KPNA3: variants seen among roughly 807,000 people sequenced by gnomAD.
KPNA3 encodes importin subunit alpha-4.
KPNA3 carries 13 observed loss-of-function variants against 73.8 expected under a neutral mutation model. That is an observed-to-expected ratio of 0.18 (90% CI 0.11 to 0.28). KPNA3 has a LOEUF of 0.28. Among genes scored for constraint, KPNA3 ranks in the 10% least tolerant of loss-of-function variants. KPNA3 has a pLI of 1.00. For missense variants in KPNA3, 360 were observed against 618.1 expected, an observed-to-expected ratio of 0.58 and a Z score of 4.43; for synonymous variants, 186 against 206.9, an observed-to-expected ratio of 0.90 and a Z score of 0.87.
At chr13:49,740,445 G>A (rs561243853) in intron 2 of KPNA3, among the ~76,000 whole-genome samples, 5 of 152,120 alleles carry the variant, frequency 3.3e-5, no homozygotes, top group South Asian at 2.1e-4. Flanking sequence ...CACAATTCCC[G>A]TGTGCCGTGG....
chr13:49,754,205 G>C (rs1349760282), intron 1 of KPNA3, among the ~76,000 whole-genome samples: 2 of 152,110 alleles, frequency 1.3e-5, no homozygotes, highest in African/African-American at 4.8e-5. Flanking sequence ...CGGAGGCTGA[G>C]GCAGAGAATT....
chr13:49,773,285 T>C (rs1954870193), intron 1 of KPNA3, among the ~76,000 whole-genome samples: 1 of 152,158 alleles, frequency 6.6e-6, no homozygotes, highest in South Asian at 2.1e-4. Flanking sequence ...TTGATTGCAA[T>C]GGTGGTTACA....
At chr13:49,739,254 G>T (rs1566346059) in intron 2 of KPNA3, among the ~76,000 whole-genome samples, 1 of 152,118 alleles carries the variant, frequency 6.6e-6, no homozygotes, top group Non-Finnish European at 1.5e-5. Flanking sequence ...ATCAAGAAAA[G>T]ATTAGGTCAA....
chr13:49,738,686 C>T (rs925795594), intron 2 of KPNA3, among the ~76,000 whole-genome samples: 4 of 152,108 alleles, frequency 2.6e-5, no homozygotes, highest in African/African-American at 9.7e-5. Context: ...TTTCTTTATT[C>T]TGTGACCTTG....
intron 2 of KPNA3, among the ~76,000 whole-genome samples, chr13:49,737,110 C>T (rs1370322065): frequency 1.3e-5 from 2 of 152,104 alleles, no homozygotes; most frequent in Admixed American, 1.3e-4. Context: ...CATTAAAGGC[C>T]ATCTGTGTTG....
chr13:49,740,273 G>A (rs1954561472), intron 2 of KPNA3, among the ~76,000 whole-genome samples: 1 of 151,598 alleles, frequency 6.6e-6, no homozygotes, highest in Admixed American at 6.6e-5. Context: ...ATTAACACAT[G>A]CATTACCTTA....
At chr13:49,775,162 CAAAAAAAAAAAA>C (rs60494803) in intron 1 of KPNA3, among the ~76,000 whole-genome samples, 1 of 93,062 alleles carries the variant, frequency 1.1e-5, no homozygotes, top group Non-Finnish European at 2.0e-5. Flanking sequence ...GACTCTGTCT[CAAAAAAAAAAAA>C]AAAAAAAAAA....
chr13:49,711,825 A>G (rs1490139862), intron 10 of KPNA3, among the ~76,000 whole-genome samples: 1 of 152,226 alleles, frequency 6.6e-6, no homozygotes. Flanking sequence ...AGGCACCTGA[A>G]TTCACATACC....
intron 1 of KPNA3, among the ~76,000 whole-genome samples, chr13:49,758,092 G>A (rs553501937): frequency 1.3e-5 from 2 of 151,906 alleles, no homozygotes; most frequent in South Asian, 4.2e-4. Flanking sequence ...ACATGATGGG[G>A]AATCAATAGA....
At chr13:49,751,922 G>A (rs907060506) in intron 1 of KPNA3, among the ~76,000 whole-genome samples, 33 of 152,044 alleles carry the variant, frequency 2.2e-4, no homozygotes, top group Non-Finnish European at 4.3e-4. Context: ...GCAAACAAAC[G>A]ACACCTACAA....
chr13:49,740,841 C>T (rs998367399), intron 2 of KPNA3, among the ~76,000 whole-genome samples: 1 of 151,864 alleles, frequency 6.6e-6, no homozygotes. Flanking sequence ...CCCCTGGTAA[C>T]CACCATCCTA....
chr13:49,780,420 T>G (rs972109857), intron 1 of KPNA3, among the ~76,000 whole-genome samples: 2 of 152,116 alleles, frequency 1.3e-5, no homozygotes, highest in African/African-American at 2.4e-5. Context: ...CTAATAACTT[T>G]TTCTGCTTTT....
intron 1 of KPNA3, among the ~76,000 whole-genome samples, chr13:49,756,216 G>C (rs1430129841): frequency 6.6e-6 from 1 of 152,238 alleles, no homozygotes; most frequent in Non-Finnish European, 1.5e-5. Context: ...GGAGGCTGCA[G>C]TAAGTGGAGA....
Position 49,715,994 on chromosome 13 carries a change from T to C in KPNA3, c.771+3781A>G, listed in dbSNP as rs966270653. ...TTTCTCCATTACATGGTCACTACTATTAGCAGAAAACTATTTTTTTTTCTA... is the reference window on the plus strand; with the variant it reads ...TTTCTCCATTACATGGTCACTACTACTAGCAGAAAACTATTTTTTTTTCTA... On this transcript the variant is annotated intron_variant, in intron 10 of 16. Transcript: ENST00000261667. 5.3e-4 allele frequency among the ~76,000 whole-genome samples: 59 copies of C among 110,526 alleles called. 1 individual carries two copies. The highest frequency in any genetic ancestry group is 1.9e-3 in the African/African-American group (59 of 30,496). 72.5% of individuals were successfully genotyped at this position (110,526 alleles called of 152,430 possible). A position where few individuals can be genotyped will look rare whatever the true frequency, so the allele number is the denominator to read the frequency against.
At chr13:49,710,701 A>G (rs1469023283) in intron 11 of KPNA3, among the ~76,000 whole-genome samples, 190 bp downstream of exon 11, 1 of 152,232 alleles carries the variant, frequency 6.6e-6, no homozygotes, top group Non-Finnish European at 1.5e-5. Flanking sequence ...AATTGGCTAT[A>G]CAAGTGTGGA....
intron 1 of KPNA3, among the ~76,000 whole-genome samples, chr13:49,762,725 T>G (rs1234428791): frequency 6.6e-6 from 1 of 151,848 alleles, no homozygotes; most frequent in Admixed American, 6.6e-5. Context: ...ACACAAACAC[T>G]GCGGTAGGCC....
chr13:49,730,654 A>G (rs1252607391), intron 6 of KPNA3, among the ~76,000 whole-genome samples: 2 of 150,250 alleles, frequency 1.3e-5, no homozygotes, highest in African/African-American at 4.9e-5. Flanking sequence ...GTTTTAGGGT[A>G]CATGTGCACA....
intron 10 of KPNA3, among the ~76,000 whole-genome samples, chr13:49,717,796 C>T (rs1954319250): frequency 1.3e-5 from 2 of 152,210 alleles, no homozygotes; most frequent in South Asian, 4.1e-4. Context: ...ACTATGAACA[C>T]TATAATCTTT....
Position 49,722,098 on chromosome 13 carries a change from C to T in KPNA3, c.583G>A (p.Val195Ile). ...IGDGPQCRDY[V>I]ISLGVVKPLL... ...GGTTTGACAACTCCCAGTGATATGA[C>T]ATAATCTCTACATTGAGGACCATCA... The change falls in exon 9 of 17, where the codon GTC (valine) becomes ATC (isoleucine). Residue 195 changes from valine (V) to isoleucine (I), a missense_variant. Transcript: ENST00000261667. The T allele has an allele frequency of 6.3e-7, 1 of 1,596,644 alleles. No homozygotes were observed. Among genetic ancestry groups the T allele is most frequent in the Non-Finnish European group, 8.5e-7 (1 of 1,172,906 alleles).
Sources: allele counts gnomAD v4.1 joint callset (sites outside exome capture counted in the v4.1 genomes callset), GRCh38; gene constraint gnomAD v4.1.1; transcripts MANE v1.5; gene names NCBI Gene and HGNC (gene_info 2026-07-23, HGNC 2026-07-21).